The following ERC2 variants were observed in gnomAD, a reference collection of about 807,000 sequenced individuals.
ERC2 encodes the protein ERC protein 2.
A neutral mutation model predicts 114.8 loss-of-function variants in ERC2; 42 were observed. That is an observed-to-expected ratio of 0.37 (90% CI 0.29 to 0.47). The LOEUF (loss-of-function observed/expected upper bound fraction) is 0.47, where lower values mean the gene tolerates loss of function less well. Among genes scored for constraint, ERC2 ranks in the 20% least tolerant of loss-of-function variants. The pLI is 0.99. For synonymous variants in ERC2, 454 were observed against 425.5 expected, an observed-to-expected ratio of 1.07 and a Z score of -0.82; for missense variants, 939 against 1,150.7, an observed-to-expected ratio of 0.82 and a Z score of 2.66.
At chr3:55,832,856 T>A (rs1241636862) in intron 14 of ERC2, among the ~76,000 whole-genome samples, 1 of 152,042 alleles carries the variant, frequency 6.6e-6, no homozygotes, top group African/African-American at 2.4e-5. Flanking sequence ...GTTAAAAACT[T>A]TGAAAACAAT....
chr3:55,592,738 C>T (rs907657322), intron 17 of ERC2, among the ~76,000 whole-genome samples: 2 of 152,136 alleles, frequency 1.3e-5, no homozygotes, highest in Non-Finnish European at 2.9e-5. Context: ...AAACCAAATA[C>T]GTGTAGACAC....
chr3:56,400,612 C>T (rs1420604073), intron 2 of ERC2, among the ~76,000 whole-genome samples: 1 of 152,140 alleles, frequency 6.6e-6, no homozygotes, highest in Admixed American at 6.5e-5. Context: ...GTATTACATG[C>T]TAAGGTTACT....
intron 3 of ERC2, among the ~76,000 whole-genome samples, chr3:56,289,175 T>C (rs2054918488): frequency 6.6e-6 from 1 of 152,100 alleles, no homozygotes; most frequent in Non-Finnish European, 1.5e-5. Context: ...AACCCTTGCC[T>C]GCCCACTGCT....
chr3:55,571,124 CAAAAAAAAA>C (rs60594862), intron 17 of ERC2, among the ~76,000 whole-genome samples: 9,203 of 67,438 alleles, frequency 0.14, 491 homozygotes, highest in South Asian at 0.29. Flanking sequence ...GAGACTCCGT[CAAAAAAAAA>C]AAAAAAAAAA....
At chr3:55,560,430 C>A (rs2055927376) in intron 17 of ERC2, among the ~76,000 whole-genome samples, 1 of 152,216 alleles carries the variant, frequency 6.6e-6, no homozygotes, top group South Asian at 2.1e-4. Flanking sequence ...CCTTGGTCTC[C>A]TGGAGCCCTA....
chr3:55,771,908 CT>C (rs2068232954), intron 14 of ERC2, among the ~76,000 whole-genome samples: 1 of 152,170 alleles, frequency 6.6e-6, no homozygotes, highest in Non-Finnish European at 1.5e-5. Context: ...CCTTTTGCTC[CT>C]ATCCAGTTGT....
chr3:55,618,164 G>C (rs2059195357), intron 17 of ERC2, among the ~76,000 whole-genome samples: 1 of 151,922 alleles, frequency 6.6e-6, no homozygotes, highest in Non-Finnish European at 1.5e-5. Context: ...TTGTTGGTTT[G>C]TACCCTACCA....
intron 17 of ERC2, among the ~76,000 whole-genome samples, chr3:55,584,377 T>C (rs909555229): frequency 2.0e-5 from 3 of 152,316 alleles, no homozygotes; most frequent in East Asian, 3.9e-4. Flanking sequence ...CTGGTTTACA[T>C]CAATGTTCAT....
intron 13 of ERC2, among the ~76,000 whole-genome samples, chr3:55,927,284 T>G (rs1247278753): frequency 6.6e-6 from 1 of 152,182 alleles, no homozygotes; most frequent in African/African-American, 2.4e-5. Context: ...ACTAGGAAAG[T>G]TGCAAAGGTA....
intron 7 of ERC2, among the ~76,000 whole-genome samples, chr3:56,030,825 A>G (rs1337306365): frequency 6.6e-6 from 1 of 152,172 alleles, no homozygotes; most frequent in Non-Finnish European, 1.5e-5. Context: ...ATAAGAAAAG[A>G]CTCAGTGAAG....
chr3:56,248,854 T>G (rs917300274), intron 3 of ERC2, among the ~76,000 whole-genome samples: 1 of 152,230 alleles, frequency 6.6e-6, no homozygotes, highest in Non-Finnish European at 1.5e-5. Flanking sequence ...ACTGTATGTA[T>G]GCAATACACG....
At chr3:55,533,045 C>A (rs189793188) in intron 17 of ERC2, among the ~76,000 whole-genome samples, 81 of 152,364 alleles carry the variant, frequency 5.3e-4, no homozygotes, top group African/African-American at 1.9e-3. Context: ...TCCTAGCTGT[C>A]AGGACTGGCT....
chr3:55,952,852 A>G (rs2067674864), intron 12 of ERC2, among the ~76,000 whole-genome samples: 1 of 152,142 alleles, frequency 6.6e-6, no homozygotes, highest in African/African-American at 2.4e-5. Context: ...ATCCCAAAGA[A>G]AAAAGCATAT....
intron 2 of ERC2, among the ~76,000 whole-genome samples, chr3:56,308,674 T>C (rs2056370199): frequency 6.6e-6 from 1 of 152,060 alleles, no homozygotes; most frequent in Admixed American, 6.6e-5. Flanking sequence ...TTCCACACTA[T>C]GGGGAAAAAA....
At chr3:56,282,995 A>T (rs77707926) in intron 3 of ERC2, among the ~76,000 whole-genome samples, 202 of 152,362 alleles carry the variant, frequency 1.3e-3, no homozygotes, top group Non-Finnish European at 2.5e-3. Context: ...GTCTTCTGGA[A>T]AAGCCTGTGT....
At chr3:55,720,912 GC>G (rs2064509021) in intron 15 of ERC2, among the ~76,000 whole-genome samples, 2 of 152,138 alleles carry the variant, frequency 1.3e-5, no homozygotes, top group Admixed American at 1.3e-4. Flanking sequence ...TAAAGACCTT[GC>G]CCCAGAGAAG....
intron 14 of ERC2, among the ~76,000 whole-genome samples, chr3:55,741,770 C>T (rs1439608427): frequency 2.0e-5 from 3 of 151,998 alleles, no homozygotes; most frequent in South Asian, 2.1e-4. Context: ...CCCACATATA[C>T]TAGGAAGGAA....
chr3:55,953,252 G>T (rs942575890), intron 12 of ERC2, among the ~76,000 whole-genome samples: 1 of 151,358 alleles, frequency 6.6e-6, no homozygotes, highest in Non-Finnish European at 1.5e-5. Context: ...GGGTACTCTA[G>T]TTTTGACATT....
At chr3:55,534,040 C>T (rs537693737) in intron 17 of ERC2, among the ~76,000 whole-genome samples, 13 of 152,166 alleles carry the variant, frequency 8.5e-5, no homozygotes, top group East Asian at 5.8e-4. Context: ...ACATCCTCTC[C>T]GAAAGCCCAG....
Sources: allele counts gnomAD v4.1 joint callset (sites outside exome capture counted in the v4.1 genomes callset), GRCh38; gene constraint gnomAD v4.1.1; transcripts MANE v1.5; gene names NCBI Gene and HGNC (gene_info 2026-07-23, HGNC 2026-07-21).